Variants in KCP observed in about 807,000 individuals in gnomAD.
The protein encoded by KCP is kielin/chordin-like protein.
KCP carries 194 observed loss-of-function variants against 212.7 expected under a neutral mutation model. The ratio of observed to expected loss-of-function variants is 0.91; its 90% confidence interval spans 0.81 to 1.03. The LOEUF (loss-of-function observed/expected upper bound fraction) is 1.03. Among genes scored for constraint, KCP ranks in the 50% least tolerant of loss-of-function variants. KCP has a pLI of 0.00. For missense variants in KCP, 2,080 were observed against 2,162.5 expected (o/e 0.96, Z 0.76); for synonymous variants, 833 against 865.3 (o/e 0.96, Z 0.65).
chr7:128,895,850 G>C (rs1794486848), intron 8 of KCP, among the ~76,000 whole-genome samples: 1 of 152,194 alleles, frequency 6.6e-6, no homozygotes, highest in East Asian at 1.9e-4. Context: ...TCCACCCCTT[G>C]TTTAGCATAT....
intron 18 of KCP, 64 bp from the exon 19 acceptor site, chr7:128,891,342 C>T: frequency 6.5e-7 from 1 of 1,546,782 alleles, no homozygotes; most frequent in East Asian, 2.4e-5. Flanking sequence ...GAGACCCCTC[C>T]CACCCAGTGC....
At chr7:128,907,778 C>T (rs1456531859) in intron 2 of KCP, among the ~76,000 whole-genome samples, 1 of 152,146 alleles carries the variant, frequency 6.6e-6, no homozygotes, top group Non-Finnish European at 1.5e-5. Context: ...GTACGAAACA[C>T]GAACTGACAA....
intron 37 of KCP, 122 bp downstream of exon 37, chr7:128,879,400 C>T (rs1214922286): frequency 3.7e-5 from 28 of 760,724 alleles, no homozygotes; most frequent in Non-Finnish European, 5.6e-5. Flanking sequence ...CCCTGTACCC[C>T]ACTCCTTGCC....
rs750374516 is a variant in KCP, at chr7:128,880,029, G to C, written c.3816C>G (p.Pro1272=). 2 of 1,549,292 alleles carry C rather than the reference G, an allele frequency of 1.3e-6. No individual in the cohort carries two copies. Among genetic ancestry groups the C allele is most frequent in the South Asian group, 2.4e-5 (2 of 84,030 alleles). The change falls in exon 35 of 40, where the codon CCC becomes CCG. Residue 1272 remains proline, a synonymous_variant. Transcript: ENST00000610776. Reference sequence around the variant, plus strand: ...GGTCTCCGAAGGCCATGCAGGAAGCGGGCCGAGGCAGGCAGCGGGGGCAGC... The same window carrying C: ...GGTCTCCGAAGGCCATGCAGGAAGCCGGCCGAGGCAGGCAGCGGGGGCAGC... ...GSCCPRCLPR[P]ASCMAFGDPH...
At chr7:128,907,212 G>A in intron 3 of KCP, 35 bp from the exon 4 acceptor site, 1 of 1,545,822 alleles carries the variant, frequency 6.5e-7, no homozygotes, top group Non-Finnish European at 8.8e-7. Context: ...AGCACCCCAT[G>A]CCATCTGCAG....
At position 128,891,634 on chromosome 7, in the gene KCP, C is replaced by T. The variant is rs959852895; in HGVS notation, c.1795+12G>A. 27 of 1,478,748 alleles carry T rather than the reference C, an allele frequency of 1.8e-5. No individual in the cohort carries two copies. In the Admixed American group the frequency reaches 5.0e-4, roughly 27 times the overall value. The allele number at this position is 1,478,748 out of a possible 1,614,324, so 91.6% of individuals were successfully genotyped here. ...CCCATCCCAGAAGGCCGCCCTGACC[C>T]GCCCACCTCACCGCTGCAGTCGTTC... On this transcript the variant is annotated intron_variant, in intron 17 of 39. Coordinates refer to ENST00000610776, the MANE Select transcript of KCP (RefSeq NM_001366122.1).
intron 29 of KCP, among the ~76,000 whole-genome samples, chr7:128,882,689 T>G (rs891149542): frequency 1.3e-5 from 2 of 152,166 alleles, no homozygotes; most frequent in Non-Finnish European, 2.9e-5. Flanking sequence ...ATGAACGTAT[T>G]TAATACCACA....
Position 128,893,835 on chromosome 7 carries a change from A to T in KCP, c.1070T>A (p.Ile357Asn), listed in dbSNP as rs1794341070. The change falls in exon 11 of 40, where the codon ATC becomes AAC. Residue 357 changes from isoleucine (I) to asparagine (N), a missense_variant. Ile to Asn is a moderately radical substitution (Grantham distance 149). Transcript: ENST00000610776. ...GCAGACAGGGCAGCACTGCCCAGGG[A>T]TCTTGCCTGGGTGTCTGCAGGGCAC... The part of the protein sequence containing the change: ...PPVPCRHPGK[I>N]PGQCCPVCDG... 1 of 1,551,218 alleles carries T rather than the reference A, an allele frequency of 6.4e-7. No individual in the cohort carries two copies.
chr7:128,892,764 G>A lies in KCP; in HGVS notation c.1451C>T (p.Thr484Ile), dbSNP rs373607293. The A allele has an allele frequency of 1.8e-4, 278 of 1,551,618 alleles. No individual in the cohort carries two copies. The highest frequency in any genetic ancestry group is 2.4e-4 in the Non-Finnish European group (271 of 1,146,978). ...GACCPSCDSC[T>I]YHSQVYANGQ... is the part of the protein sequence containing the mutation. ...ATTGGCATACACTTGGCTGTGGTAG[G>A]TGCAGCTGTCACAGCTGGGGCAGCA... is the stretch of plus-strand genomic sequence containing the variant. Residue 484 changes from threonine (T) to isoleucine (I), a missense_variant, in exon 15 of 40, where the codon ACC becomes ATC. Thr to Ile is a moderately conservative substitution (Grantham distance 89). Transcript: ENST00000610776.
At position 128,880,035 on chromosome 7, in the gene KCP, A is replaced by T; in HGVS notation, c.3810T>A (p.Pro1270=). 1 of 1,548,868 alleles carries T rather than the reference A, an allele frequency of 6.5e-7. No homozygotes were observed. The highest frequency in any genetic ancestry group is 8.7e-7 in the Non-Finnish European group (1 of 1,146,588). Residue 1270 remains proline, a synonymous_variant, in exon 35 of 40, where the codon CCT becomes CCA. Coordinates refer to ENST00000610776, the MANE Select transcript of KCP (RefSeq NM_001366122.1). The part of the protein sequence containing the change: ...SPGSCCPRCL[P]RPASCMAFGD... ...CGAAGGCCATGCAGGAAGCGGGCCG[A>T]GGCAGGCAGCGGGGGCAGCAGCTGC...
rs1364845521 is a variant in KCP, at chr7:128,878,613, T to G, written c.4256A>C (p.Gln1419Pro). 1.9e-6 allele frequency: 3 copies of G among 1,551,416 alleles called. No individual in the cohort carries two copies. The highest frequency in any genetic ancestry group is 2.6e-6 in the Non-Finnish European group (3 of 1,146,998). Reference protein sequence around the residue: ...NFNGFAQDDLQGPEGLLLPSE... With the variant: ...NFNGFAQDDLPGPEGLLLPSE... ...GGGCAGGAGCAGCCCCTCAGGGCCC[T>G]GCAGATCGTCCTGGGCAAAGCCATT... Residue 1419 changes from glutamine (Q) to proline (P), a missense_variant, in exon 38 of 40, where the codon CAG becomes CCG. Gln to Pro is a moderately conservative substitution (Grantham distance 76, BLOSUM62 -1). Coordinates refer to ENST00000610776, the MANE Select transcript of KCP (RefSeq NM_001366122.1).
At position 128,892,570 on chromosome 7, in the gene KCP, G is replaced by C; in HGVS notation, c.1565C>G (p.Pro522Arg). 1 of 1,550,448 alleles carries C rather than the reference G, an allele frequency of 6.4e-7. No homozygotes were observed. Among genetic ancestry groups the C allele is most frequent in the East Asian group, 2.4e-5 (1 of 40,906 alleles). The change falls in exon 16 of 40, where the codon CCC becomes CGC. Residue 522 changes from proline to arginine, a missense_variant. Pro to Arg is a moderately radical substitution (Grantham distance 103, BLOSUM62 -2). Transcript: ENST00000610776. ...TVTCSLVDCP[P>R]TTCARPQSGP... Reference sequence around the variant, plus strand: ...ACTCTGGGGCCTGGCACAGGTCGTGGGAGGGCAGTCAACCAAGGAGCATGT... The same window carrying C: ...ACTCTGGGGCCTGGCACAGGTCGTGCGAGGGCAGTCAACCAAGGAGCATGT...
chr7:128,902,144 C>A (rs1794886740), intron 8 of KCP, among the ~76,000 whole-genome samples: 1 of 152,210 alleles, frequency 6.6e-6, no homozygotes, highest in Non-Finnish European at 1.5e-5. Flanking sequence ...ATCCTCCTGC[C>A]TCAGCCTCCC....
intron 37 of KCP, 79 bp downstream of exon 37, chr7:128,879,443 C>T (rs1033150677): frequency 1.6e-6 from 2 of 1,243,688 alleles, no homozygotes; most frequent in African/African-American, 3.0e-5. Context: ...GCATCCCCAC[C>T]CCCTCTACAG....
At chr7:128,910,452 G>C (rs903126587) in intron 1 of KCP, 149 bp downstream of exon 1, 42 of 682,664 alleles carry the variant, frequency 6.2e-5, no homozygotes, top group Non-Finnish European at 8.3e-5. Flanking sequence ...CTCCCCCGAC[G>C]GGGAGGACGG....
chr7:128,888,988 G>T lies in KCP; in HGVS notation c.2387C>A (p.Pro796His), dbSNP rs1490529104. ...SYLSNQEFPD[P>H]REPCNLCTCL... ...GGTACACAGGTTGCAGGGTTCTCGG[G>T]GGTCTGGGAACTCCTGGTTACTCAG... is the stretch of plus-strand genomic sequence containing the variant. The change falls in exon 22 of 40, where the codon CCC (proline) becomes CAC (histidine). Residue 796 changes from proline (P) to histidine (H), a missense_variant. By Grantham distance (77) the Pro-to-His change is moderately conservative (BLOSUM62 -2). Coordinates refer to ENST00000610776, the MANE Select transcript of KCP (RefSeq NM_001366122.1). 6.5e-7 allele frequency: 1 copy of T among 1,539,706 alleles called. No homozygotes were observed. The highest frequency in any genetic ancestry group is 1.7e-4 in the Middle Eastern group (1 of 5,932).
chr7:128,877,822 C>A, intron 38 of KCP, 32 bp from the exon 39 acceptor site: 2 of 1,517,910 alleles, frequency 1.3e-6, no homozygotes, highest in Non-Finnish European at 8.9e-7. Context: ...GACGTGACAG[C>A]ACCACTGGCA....
At position 128,890,515 on chromosome 7, in the gene KCP, T is replaced by C. The variant is rs1244807698; in HGVS notation, c.2165-2A>G. On this transcript the variant is annotated splice_acceptor_variant, in intron 20 of 39. Transcript: ENST00000610776. LOFTEE classifies it high-confidence loss of function. Reference sequence around the variant, plus strand: ...ACTCCTTCCCCTGGTACAGGCAGCCTGGGGAGAAGGGCAGGGGCTGGGGGG... The same window carrying C: ...ACTCCTTCCCCTGGTACAGGCAGCCCGGGGAGAAGGGCAGGGGCTGGGGGG... 2.0e-6 allele frequency: 3 copies of C among 1,536,008 alleles called. No individual in the cohort carries two copies. Among genetic ancestry groups the C allele is most frequent in the South Asian group, 2.4e-5 (2 of 83,466 alleles).
Position 128,877,306 on chromosome 7 carries a change from C to T in KCP, c.4624G>A (p.Gly1542Ser), listed in dbSNP as rs939107898. The T allele has an allele frequency of 3.9e-6, 6 of 1,522,582 alleles. No individual in the cohort carries two copies. The African/African-American group carries it at 8.4e-5, about 21-fold the overall frequency. 94.3% of individuals were successfully genotyped at this position (1,522,582 alleles called of 1,614,324 possible). A position where few individuals can be genotyped will look rare whatever the true frequency, so the allele number is the denominator to read the frequency against. Residue 1542 changes from glycine (G) to serine (S), a missense_variant, in exon 40 of 40, where the codon GGC becomes AGC. Physicochemically the swap from Gly to Ser is moderately conservative, Grantham distance 56 (BLOSUM62 0). Transcript: ENST00000610776. The part of the protein sequence containing the change: ...TWRGPTLCVV[G>S]CPLERGFVFD... ...ACGAAGCCACGCTCCAGGGGGCAGC[C>T]TACCACTGCAGGGGGAGTGGGAGGC...
Sources: gnomAD v4.1 joint callset for allele counts (sites outside exome capture counted in the v4.1 genomes callset) on GRCh38, gnomAD v4.1.1 for gene constraint, MANE v1.5 for transcripts, NCBI Gene and HGNC (gene_info 2026-07-23, HGNC 2026-07-21) for gene names.